Variants in KCND2 observed in about 807,000 individuals in gnomAD.
KCND2 encodes potassium voltage-gated channel subfamily D member 2.
A neutral mutation model predicts 54.4 loss-of-function variants in KCND2; 16 were observed. The ratio of observed to expected loss-of-function variants is 0.29; its 90% CI spans 0.20 to 0.45. The LOEUF is 0.45. KCND2 is among the 20% of genes least tolerant of loss of function. The pLI is 1.00. For synonymous variants in KCND2, 317 were observed against 310.7 expected, an observed-to-expected ratio of 1.02 and a Z score of -0.21; for missense variants, 486 against 824.2, an observed-to-expected ratio of 0.59 and a Z score of 5.02.
chr7:120,451,605 C>T (rs962900252), intron 1 of KCND2, among the ~76,000 whole-genome samples: 11 of 152,148 alleles, frequency 7.2e-5, no homozygotes, highest in Admixed American at 3.9e-4. Flanking sequence ...CTACGGTTTT[C>T]GCAGACGTAA....
intron 1 of KCND2, among the ~76,000 whole-genome samples, chr7:120,507,859 A>T (rs574641556): frequency 6.6e-6 from 1 of 151,916 alleles, no homozygotes; most frequent in East Asian, 1.9e-4. Context: ...TGACTGTATT[A>T]TTTCCTATGT....
chr7:120,278,448 G>A (rs1038186838), intron 1 of KCND2, among the ~76,000 whole-genome samples: 13 of 151,308 alleles, frequency 8.6e-5, no homozygotes, highest in Non-Finnish European at 8.9e-5. Flanking sequence ...GGAGCTAAAT[G>A]TTCTTCAATT....
At chr7:120,401,942 G>A (rs1346150165) in intron 1 of KCND2, among the ~76,000 whole-genome samples, 3 of 152,190 alleles carry the variant, frequency 2.0e-5, no homozygotes, top group East Asian at 1.9e-4. Flanking sequence ...CTCATTGGTA[G>A]TACATCAGCT....
chr7:120,296,747 A>G (rs901119039), intron 1 of KCND2, among the ~76,000 whole-genome samples: 3 of 152,078 alleles, frequency 2.0e-5, no homozygotes, highest in African/African-American at 7.2e-5. Context: ...AGGCATTTGA[A>G]ATAGTCATTG....
At chr7:120,398,646 GTTTGA>G (rs756983306) in intron 1 of KCND2, among the ~76,000 whole-genome samples, 6 of 152,058 alleles carry the variant, frequency 3.9e-5, no homozygotes, top group Non-Finnish European at 7.4e-5. Context: ...AGGTGTTTTT[GTTTGA>G]TTTGTTTTGT....
intron 1 of KCND2, among the ~76,000 whole-genome samples, chr7:120,348,637 C>T (rs568874311): frequency 1.3e-5 from 2 of 152,250 alleles, no homozygotes; most frequent in South Asian, 2.1e-4. Flanking sequence ...TTGAAACATA[C>T]ATTACAACTT....
At chr7:120,461,968 CATGGAG>C (rs1348872573) in intron 1 of KCND2, among the ~76,000 whole-genome samples, 1 of 152,044 alleles carries the variant, frequency 6.6e-6, no homozygotes, top group Non-Finnish European at 1.5e-5. Context: ...CATCAATATA[CATGGAG>C]ATTAAGGCAC....
chr7:120,382,634 A>C (rs972317503), intron 1 of KCND2, among the ~76,000 whole-genome samples: 5 of 151,998 alleles, frequency 3.3e-5, no homozygotes, highest in Middle Eastern at 6.8e-3. Flanking sequence ...TTTATAAACA[A>C]CTTAAGTATC....
chr7:120,654,820 A>G (rs1342360473), intron 1 of KCND2, among the ~76,000 whole-genome samples: 1 of 152,156 alleles, frequency 6.6e-6, no homozygotes, highest in East Asian at 1.9e-4. Context: ...ATATAAACAC[A>G]GCTATGGATA....
At chr7:120,693,168 A>T (rs1792292668) in intron 1 of KCND2, among the ~76,000 whole-genome samples, 1 of 152,210 alleles carries the variant, frequency 6.6e-6, no homozygotes, top group Non-Finnish European at 1.5e-5. Flanking sequence ...ATACCAAAAC[A>T]TAAACATTTG....
intron 1 of KCND2, among the ~76,000 whole-genome samples, chr7:120,644,689 G>C (rs1793417059): frequency 6.6e-6 from 1 of 152,072 alleles, no homozygotes; most frequent in African/African-American, 2.4e-5. Flanking sequence ...TGATGTTTTT[G>C]GTTATATTTA....
At chr7:120,285,762 TATTA>T (rs1478058564) in intron 1 of KCND2, among the ~76,000 whole-genome samples, 1 of 151,950 alleles carries the variant, frequency 6.6e-6, no homozygotes, top group Admixed American at 6.6e-5. Flanking sequence ...TTTAAAATTG[TATTA>T]ATTTGATGCA....
intron 1 of KCND2, among the ~76,000 whole-genome samples, chr7:120,636,509 G>C (rs1259457000): frequency 6.6e-6 from 1 of 152,020 alleles, no homozygotes; most frequent in Non-Finnish European, 1.5e-5. Context: ...GAAGCAATTA[G>C]CACAGCAGGC....
rs184623581 is a variant in KCND2, at chr7:120,594,864, A to G, written c.1116-138039A>G. Among the ~76,000 whole-genome samples the G allele has an allele frequency of 1.3e-3, 192 of 151,730 alleles. 2 individuals are homozygous for G. In the East Asian group the frequency reaches 0.034, roughly 27 times the overall value. On this transcript the variant is annotated intron_variant, in intron 1 of 5. Coordinates refer to ENST00000331113, the MANE Select transcript of KCND2 (RefSeq NM_012281.3). ...GTGAAACCCCGTTTCTACTAAAAAT[A>G]CAAAAATTAGCTGGGCATGGTAGCG...
intron 1 of KCND2, among the ~76,000 whole-genome samples, chr7:120,577,196 T>A (rs1335969858): frequency 6.6e-6 from 1 of 151,950 alleles, no homozygotes. Flanking sequence ...AATTTAATAT[T>A]TTAAGAAAAA....
At chr7:120,642,803 A>T (rs1793394719) in intron 1 of KCND2, among the ~76,000 whole-genome samples, 1 of 152,220 alleles carries the variant, frequency 6.6e-6, no homozygotes, top group African/African-American at 2.4e-5. Flanking sequence ...ATTGCAGATT[A>T]AAAAGCTGGG....
At chr7:120,396,859 T>C (rs1801162536) in intron 1 of KCND2, among the ~76,000 whole-genome samples, 1 of 152,098 alleles carries the variant, frequency 6.6e-6, no homozygotes, top group Non-Finnish European at 1.5e-5. Flanking sequence ...TTTGTTGTTG[T>C]TATTTTATTG....
At chr7:120,600,860 A>G (rs2116472441) in intron 1 of KCND2, among the ~76,000 whole-genome samples, 1 of 152,236 alleles carries the variant, frequency 6.6e-6, no homozygotes, top group East Asian at 1.9e-4. Context: ...TCAATGAATC[A>G]GTAAATCAAT....
chr7:120,358,543 G>A (rs757383805), intron 1 of KCND2, among the ~76,000 whole-genome samples: 1 of 151,774 alleles, frequency 6.6e-6, no homozygotes, highest in Non-Finnish European at 1.5e-5. Context: ...TCTTTCTCCT[G>A]ACATGAATCT....
Sources: gnomAD v4.1 joint callset for allele counts (sites outside exome capture counted in the v4.1 genomes callset) on GRCh38, gnomAD v4.1.1 for gene constraint, MANE v1.5 for transcripts, NCBI Gene and HGNC (gene_info 2026-07-23, HGNC 2026-07-21) for gene names.